PIGK: variants seen among roughly 807,000 people sequenced by gnomAD.
PIGK encodes the protein phosphatidylinositol glycan anchor biosynthesis class K.
PIGK carries 42 observed loss-of-function variants against 50.6 expected under a neutral mutation model. That is an observed-to-expected ratio of 0.83 (90% CI 0.65 to 1.07). The LOEUF (loss-of-function observed/expected upper bound fraction) is 1.07. Ranked by LOEUF, PIGK falls within the 50% of genes least tolerant of loss-of-function variation. The pLI is 0.00. For missense variants in PIGK, 448 were observed against 488.7 expected (o/e 0.92, Z 0.78); for synonymous variants, 151 against 156.0 (o/e 0.97, Z 0.24).
At chr1:77,101,374 A>C (rs1653537010) in intron 10 of PIGK, among the ~76,000 whole-genome samples, 1 of 152,118 alleles carries the variant, frequency 6.6e-6, no homozygotes, top group Non-Finnish European at 1.5e-5. Flanking sequence ...GTAAGAATTA[A>C]TTTCTTCTTT....
intron 4 of PIGK, among the ~76,000 whole-genome samples, 158 bp downstream of exon 4, chr1:77,169,102 A>G (rs1322225167): frequency 2.0e-5 from 3 of 152,324 alleles, no homozygotes; most frequent in Admixed American, 1.3e-4. Context: ...TTTTACTTAT[A>G]TATCATTGCC....
intron 1 of PIGK, among the ~76,000 whole-genome samples, chr1:77,212,016 A>G (rs1190452575): frequency 6.6e-6 from 1 of 152,044 alleles, no homozygotes; most frequent in African/African-American, 2.4e-5. Flanking sequence ...CATTCTTACT[A>G]GGTACTTTAT....
intron 9 of PIGK, 139 bp downstream of exon 9, chr1:77,154,310 C>A: frequency 3.2e-6 from 2 of 617,312 alleles, no homozygotes; most frequent in Non-Finnish European, 2.9e-6. Context: ...AAGCATACAG[C>A]CTACATAAAG....
intron 6 of PIGK, 38 bp from the exon 7 acceptor site, chr1:77,161,749 G>T: frequency 2.4e-6 from 2 of 846,030 alleles, no homozygotes; most frequent in Non-Finnish European, 4.1e-6. Context: ...CAAGGATCAT[G>T]CTGTAAATCA....
At chr1:77,179,659 T>A (rs948193791) in intron 3 of PIGK, among the ~76,000 whole-genome samples, 2 of 152,196 alleles carry the variant, frequency 1.3e-5, no homozygotes, top group Non-Finnish European at 2.9e-5. Context: ...GAATCTACTG[T>A]GATTCTGGGG....
At chr1:77,094,217 A>G (rs1653360485) in intron 10 of PIGK, among the ~76,000 whole-genome samples, 1 of 152,142 alleles carries the variant, frequency 6.6e-6, no homozygotes, top group Admixed American at 6.6e-5. Context: ...CAACCTATAG[A>G]TATTCCCTGA....
chr1:77,161,701 G>C lies in PIGK; in HGVS notation c.595C>G (p.Leu199Val). 2.2e-6 allele frequency: 3 copies of C among 1,390,174 alleles called. No homozygotes were observed. Among genetic ancestry groups the C allele is most frequent in the Non-Finnish European group, 2.0e-6 (2 of 977,444 alleles). The allele number at this position is 1,390,174 out of a possible 1,614,324, so 86.1% of individuals were successfully genotyped here. The change falls in exon 7 of 11, where the codon CTA (leucine) becomes GTA (valine). Residue 199 changes from leucine to valine, a missense_variant. Coordinates refer to ENST00000370812, the MANE Select transcript of PIGK (RefSeq NM_005482.3). ...TGGCAAGTATCAATAATAAACAGTAGCTCATTGTAGCTGAAAGAAAAATGA... is the reference window on the plus strand; with the variant it reads ...TGGCAAGTATCAATAATAAACAGTACCTCATTGTAGCTGAAAGAAAAATGA... ...QMWQKRRYNE[L>V]LFIIDTCQGA...
intron 8 of PIGK, among the ~76,000 whole-genome samples, 174 bp downstream of exon 8, chr1:77,161,121 G>T (rs1310850215): frequency 6.6e-6 from 1 of 152,212 alleles, no homozygotes; most frequent in East Asian, 1.9e-4. Context: ...CAGGCCTCTT[G>T]TAGAGAGACA....
rs185223135 is a variant in PIGK at position 77,108,736 on chromosome 1, T to A, written c.1071+13539A>T. ...GTCACTTTCAGGTACACCAATCAAA[T>A]GTAGGTTTGGTCTTTTTACATAGTC... On this transcript the variant is annotated intron_variant, in intron 10 of 10. Coordinates refer to ENST00000370812, the MANE Select transcript of PIGK (RefSeq NM_005482.3). 3.3e-4 allele frequency among the ~76,000 whole-genome samples: 51 copies of A among 152,252 alleles called. 1 individual carries two copies. Among genetic ancestry groups the A allele is most frequent in the African/African-American group, 1.2e-3 (50 of 41,558 alleles).
chr1:77,207,025 GGTGTGGTGGCGTGCAC>G (rs1656303826), intron 2 of PIGK, among the ~76,000 whole-genome samples: 1 of 152,076 alleles, frequency 6.6e-6, no homozygotes, highest in South Asian at 2.1e-4. Context: ...AAATTACCCA[GGTGTGGTGGCGTGCAC>G]CTGTAGTTGC....
intron 9 of PIGK, among the ~76,000 whole-genome samples, chr1:77,136,881 T>C (rs1654531083): frequency 6.6e-6 from 1 of 152,232 alleles, no homozygotes; most frequent in African/African-American, 2.4e-5. Flanking sequence ...CATACTGAGT[T>C]ATTTCTTTAG....
At chr1:77,112,047 A>G (rs1359497170) in intron 10 of PIGK, among the ~76,000 whole-genome samples, 1 of 152,072 alleles carries the variant, frequency 6.6e-6, no homozygotes, top group African/African-American at 2.4e-5. Flanking sequence ...TGTTTATCTA[A>G]GAATGATCAG....
At chr1:77,163,372 C>T (rs779955086) in intron 6 of PIGK, among the ~76,000 whole-genome samples, 1 of 152,102 alleles carries the variant, frequency 6.6e-6, no homozygotes, top group African/African-American at 2.4e-5. Context: ...CAGCTTCCAA[C>T]TAAAGAGATG....
At chr1:77,096,886 T>TTC (rs1553179360) in intron 10 of PIGK, among the ~76,000 whole-genome samples, 1 of 114,234 alleles carries the variant, frequency 8.8e-6, no homozygotes, top group Non-Finnish European at 1.8e-5. Flanking sequence ...TTTTTCTTTT[T>TTC]TTTTTTTTTT....
intron 2 of PIGK, among the ~76,000 whole-genome samples, chr1:77,208,255 A>T (rs1656336394): frequency 6.6e-6 from 1 of 152,062 alleles, no homozygotes. Context: ...TTTAAAAAAT[A>T]AAATATAATT....
At chr1:77,144,176 A>G (rs1654716116) in intron 9 of PIGK, among the ~76,000 whole-genome samples, 2 of 151,984 alleles carry the variant, frequency 1.3e-5, no homozygotes, top group Non-Finnish European at 2.9e-5. Flanking sequence ...CAGATAGTAG[A>G]CAATAAGTAA....
At chr1:77,114,922 C>A (rs577289127) in intron 10 of PIGK, among the ~76,000 whole-genome samples, 2 of 152,238 alleles carry the variant, frequency 1.3e-5, no homozygotes, top group East Asian at 3.9e-4. Flanking sequence ...CAATATAAGT[C>A]AGTCCTGAGG....
intron 10 of PIGK, among the ~76,000 whole-genome samples, chr1:77,104,749 A>T (rs767654192): frequency 6.6e-6 from 1 of 152,116 alleles, no homozygotes; most frequent in Admixed American, 6.5e-5. Flanking sequence ...GGGAGGGAGC[A>T]TGTGAGCAAG....
chr1:77,152,082 A>G lies in PIGK; in HGVS notation c.986+2367T>C, dbSNP rs532472346. 1.5e-3 allele frequency among the ~76,000 whole-genome samples: 232 copies of G among 152,312 alleles called. 1 individual carries two copies. Among genetic ancestry groups the G allele is most frequent in the Non-Finnish European group, 2.4e-3 (163 of 68,004 alleles). ...CAAGAAGAACAAAGCTGGACGCATCATACTATTTGATTTCAAATTATACTA... is the reference window on the plus strand; with the variant it reads ...CAAGAAGAACAAAGCTGGACGCATCGTACTATTTGATTTCAAATTATACTA... On this transcript the variant is annotated intron_variant, in intron 9 of 10. Coordinates refer to ENST00000370812, the MANE Select transcript of PIGK (RefSeq NM_005482.3).
Sources: gnomAD v4.1 joint callset for allele counts (sites outside exome capture counted in the v4.1 genomes callset) on GRCh38, gnomAD v4.1.1 for gene constraint, MANE v1.5 for transcripts, NCBI Gene and HGNC (gene_info 2026-07-23, HGNC 2026-07-21) for gene names.